Variants in TRERF1 observed in about 807,000 individuals in gnomAD.
The protein encoded by TRERF1 is transcriptional-regulating factor 1.
TRERF1 carries 27 observed loss-of-function variants against 122.9 expected under a neutral mutation model. That is an observed-to-expected ratio of 0.22 (90% CI 0.16 to 0.30). The LOEUF is 0.30. Among genes scored for constraint, TRERF1 ranks in the 10% least tolerant of loss-of-function variants. The pLI is 1.00. For missense variants in TRERF1, 1,248 were observed against 1,560.3 expected, an observed-to-expected ratio of 0.80 and a Z score of 3.37; for synonymous variants, 636 against 641.7, an observed-to-expected ratio of 0.99 and a Z score of 0.13.
intron 13 of TRERF1, among the ~76,000 whole-genome samples, chr6:42,249,339 T>A (rs2149657755): frequency 6.6e-6 from 1 of 152,310 alleles, no homozygotes; most frequent in Middle Eastern, 3.4e-3. Flanking sequence ...CTGCAGTGGA[T>A]ATACTTTTTT....
chr6:42,408,021 G>A (rs1037784480), intron 2 of TRERF1, among the ~76,000 whole-genome samples: 3 of 151,686 alleles, frequency 2.0e-5, no homozygotes, highest in African/African-American at 4.8e-5. Context: ...AAACACCTTT[G>A]TATCTCTCAG....
intron 2 of TRERF1, among the ~76,000 whole-genome samples, chr6:42,376,260 C>T (rs146863788): frequency 2.8e-4 from 42 of 152,354 alleles, no homozygotes; most frequent in Non-Finnish European, 3.8e-4. Context: ...TAAAAGGTTT[C>T]TCCTTTTATA....
Position 42,277,924 on chromosome 6 carries a change from G to GAAT in TRERF1, c.-258-8077_-258-8076insATT, listed in dbSNP as rs1289649040. Among the ~76,000 whole-genome samples, 8 of 139,526 alleles carry GAAT rather than the reference G, an allele frequency of 5.7e-5. No homozygotes were observed. The Admixed American group carries it at 6.2e-4, about 11-fold the overall frequency. The allele number at this position is 139,526 out of a possible 152,430, so 91.5% of individuals were successfully genotyped here. ...GAAGAAGGAAGAAGAAGAAGAAGAA[G>GAAT]AAGAAGAAGAAGAAGAAGAAGAAGA... On this transcript the variant is annotated intron_variant, in intron 4 of 17. Transcript: ENST00000372922.
At position 42,385,684 on chromosome 6, in the gene TRERF1, G is replaced by T. The variant is rs549425781; in HGVS notation, c.-453-22605C>A. Among the ~76,000 whole-genome samples the T allele has an allele frequency of 6.6e-5, 10 of 152,102 alleles. No individual in the cohort carries two copies. In the East Asian group the frequency reaches 1.7e-3, roughly 27 times the overall value. ...TGTTTTAATGGCATATTACTCAAAG[G>T]CACCACTGACATCACTTTTAAACCT... On this transcript the variant is annotated intron_variant, in intron 2 of 17. Coordinates refer to ENST00000372922, the Ensembl canonical transcript of TRERF1.
At chr6:42,447,409 C>A (rs1039940926) in intron 2 of TRERF1, among the ~76,000 whole-genome samples, 2 of 152,202 alleles carry the variant, frequency 1.3e-5, no homozygotes, top group Non-Finnish European at 2.9e-5. Context: ...TGGCAACGCA[C>A]GCCAGTAACT....
chr6:42,258,226 C>A (rs779922220), intron 9 of TRERF1, 25 bp from the exon 10 acceptor site: 1 of 1,611,550 alleles, frequency 6.2e-7, no homozygotes, highest in Non-Finnish European at 8.5e-7. Context: ...TCAGAGGTCA[C>A]TAGTCAACAG....
At chr6:42,312,171 G>A (rs1421057800) in intron 3 of TRERF1, among the ~76,000 whole-genome samples, 3 of 152,114 alleles carry the variant, frequency 2.0e-5, no homozygotes, top group African/African-American at 7.2e-5. Flanking sequence ...AGATTAACAG[G>A]AGGAAAAAAG....
chr6:42,257,463 A>C (rs770229093), intron 10 of TRERF1, among the ~76,000 whole-genome samples: 2 of 152,224 alleles, frequency 1.3e-5, no homozygotes, highest in African/African-American at 2.4e-5. Context: ...TCATTTTTTT[A>C]TCTCTTTCAG....
chr6:42,278,210 G>A (rs1781644742), intron 4 of TRERF1, among the ~76,000 whole-genome samples: 1 of 152,202 alleles, frequency 6.6e-6, no homozygotes, highest in Non-Finnish European at 1.5e-5. Context: ...TGACTGCATA[G>A]ATCTGACGAC....
chr6:42,412,947 G>A (rs1194738840), intron 2 of TRERF1, among the ~76,000 whole-genome samples: 1 of 152,040 alleles, frequency 6.6e-6, no homozygotes, highest in South Asian at 2.1e-4. Context: ...GTGACAGGGT[G>A]GGGCCCTGTG....
chr6:42,284,216 T>C (rs2150072548), intron 4 of TRERF1, among the ~76,000 whole-genome samples: 1 of 152,004 alleles, frequency 6.6e-6, no homozygotes. Flanking sequence ...CTAGTGTCAA[T>C]CTTTATAATT....
At chr6:42,429,085 G>T (rs574702524) in intron 2 of TRERF1, among the ~76,000 whole-genome samples, 41 of 152,154 alleles carry the variant, frequency 2.7e-4, no homozygotes, top group Non-Finnish European at 4.7e-4. Flanking sequence ...CTGAACAAAT[G>T]AATGAAAGCC....
chr6:42,282,323 G>A (rs1782441555), intron 4 of TRERF1, among the ~76,000 whole-genome samples: 1 of 152,216 alleles, frequency 6.6e-6, no homozygotes, highest in African/African-American at 2.4e-5. Flanking sequence ...TGAGGCAGGA[G>A]GATTGTTTCA....
chr6:42,227,607 G>T (rs1177423581), exon 18 of TRERF1: 1 of 152,246 alleles, frequency 6.6e-6, no homozygotes, highest in Non-Finnish European at 1.5e-5. Context: ...GAGCTGACCA[G>T]CCCCCAGGGA....
chr6:42,445,367 C>CACAT (rs1366551830), intron 2 of TRERF1, among the ~76,000 whole-genome samples: 4 of 151,564 alleles, frequency 2.6e-5, no homozygotes, highest in African/African-American at 9.7e-5. Context: ...CACACACACA[C>CACAT]ACACACACAC....
chr6:42,392,105 CTTA>C (rs1046700437), intron 2 of TRERF1, among the ~76,000 whole-genome samples: 3 of 152,184 alleles, frequency 2.0e-5, no homozygotes, highest in African/African-American at 7.2e-5. Context: ...TACACGTATA[CTTA>C]TTATCTGTCT....
intron 2 of TRERF1, among the ~76,000 whole-genome samples, chr6:42,376,645 C>T (rs1397991573): frequency 6.8e-6 from 1 of 146,470 alleles, no homozygotes; most frequent in African/African-American, 2.6e-5. Context: ...CGGGTTCAAG[C>T]GATTCTCCTT....
At chr6:42,255,376 A>G (rs1776550433) in intron 12 of TRERF1, among the ~76,000 whole-genome samples, 2 of 152,274 alleles carry the variant, frequency 1.3e-5, no homozygotes, top group African/African-American at 2.4e-5. Context: ...CCTTCCAGAG[A>G]GCCTAGCTAA....
intron 3 of TRERF1, among the ~76,000 whole-genome samples, chr6:42,311,789 A>G (rs953663485): frequency 4.3e-4 from 65 of 149,856 alleles, no homozygotes; most frequent in Non-Finnish European, 7.1e-4. Flanking sequence ...AAAAAAAAAA[A>G]AGAGATCATG....
Sources: allele counts gnomAD v4.1 joint callset (sites outside exome capture counted in the v4.1 genomes callset), GRCh38; gene constraint gnomAD v4.1.1; transcripts MANE v1.5; gene names NCBI Gene and HGNC (gene_info 2026-07-23, HGNC 2026-07-21).